The following CDH4 variants were observed in gnomAD, a reference collection of about 807,000 sequenced individuals.
CDH4 encodes the protein cadherin-4.
CDH4 carries 33 observed loss-of-function variants against 86.0 expected under a neutral mutation model. That is an observed-to-expected ratio of 0.38 (90% confidence interval 0.29 to 0.51). The LOEUF is 0.51. Among genes scored for constraint, CDH4 ranks in the 20% least tolerant of loss-of-function variants. The pLI, the probability that CDH4 is intolerant of heterozygous loss-of-function variation, is 0.86. For synonymous variants in CDH4, 555 were observed against 549.4 expected, an observed-to-expected ratio of 1.01 and a Z score of -0.14; for missense variants, 1,114 against 1,307.4, an observed-to-expected ratio of 0.85 and a Z score of 2.28.
intron 2 of CDH4, among the ~76,000 whole-genome samples, chr20:61,425,828 A>C (rs900554507): frequency 2.1e-4 from 32 of 151,084 alleles, no homozygotes; most frequent in African/African-American, 7.4e-4. Context: ...CCAGGGCAGG[A>C]TGGCCAATTG....
At position 61,692,599 on chromosome 20, in the gene CDH4, A is replaced by C. The variant is rs1438058538; in HGVS notation, c.170-50964A>C. The stretch of plus-strand genomic sequence containing the variant: ...TTCCTAATAAGCATTTATTAATTGG[A>C]CCAGGAAATTTTCTCAGATCTGTGT... On this transcript the variant is annotated intron_variant, in intron 2 of 15. Coordinates refer to ENST00000614565, the MANE Select transcript of CDH4 (RefSeq NM_001794.5). Among the ~76,000 whole-genome samples the C allele has an allele frequency of 7.2e-5, 11 of 152,188 alleles. No homozygotes were observed. The East Asian group carries it at 1.9e-3, about 27-fold the overall frequency.
intron 2 of CDH4, among the ~76,000 whole-genome samples, chr20:61,376,821 G>A (rs2084875388): frequency 6.6e-6 from 1 of 152,200 alleles, no homozygotes; most frequent in Admixed American, 6.5e-5. Flanking sequence ...ATGGCCGGTG[G>A]CCAAGATCAT....
chr20:61,317,407 G>A (rs1409777725), intron 2 of CDH4, among the ~76,000 whole-genome samples: 2 of 152,210 alleles, frequency 1.3e-5, no homozygotes, highest in Non-Finnish European at 2.9e-5. Context: ...TGCCTGCACT[G>A]TAAATTCTAT....
At chr20:61,470,462 A>G (rs2085495867) in intron 2 of CDH4, among the ~76,000 whole-genome samples, 1 of 152,192 alleles carries the variant, frequency 6.6e-6, no homozygotes, top group Non-Finnish European at 1.5e-5. Flanking sequence ...TTTTCCAAGT[A>G]TAAGATCATA....
intron 2 of CDH4, among the ~76,000 whole-genome samples, chr20:61,566,411 A>G (rs1337620982): frequency 6.6e-6 from 1 of 152,200 alleles, no homozygotes; most frequent in Non-Finnish European, 1.5e-5. Context: ...AAAATGAATT[A>G]CAAACTGGCA....
At chr20:61,448,018 G>A (rs139131604) in intron 2 of CDH4, among the ~76,000 whole-genome samples, 1 of 152,290 alleles carries the variant, frequency 6.6e-6, no homozygotes, top group Non-Finnish European at 1.5e-5. Context: ...CCAGCATCCT[G>A]TTTGTCTTTC....
intron 4 of CDH4, among the ~76,000 whole-genome samples, chr20:61,778,568 G>C (rs939582144): frequency 4.3e-4 from 65 of 152,184 alleles, no homozygotes; most frequent in African/African-American, 1.5e-3. Context: ...GGAGCCAGGG[G>C]TATCTGTGGC....
At chr20:61,292,280 C>T (rs1350414650) in intron 2 of CDH4, among the ~76,000 whole-genome samples, 2 of 152,338 alleles carry the variant, frequency 1.3e-5, no homozygotes, top group South Asian at 2.1e-4. Flanking sequence ...GGTAGATATA[C>T]ACCATGGAAT....
chr20:61,573,697 G>A lies in CDH4; in HGVS notation c.170-169866G>A, dbSNP rs74400951. 4.6e-3 allele frequency among the ~76,000 whole-genome samples: 707 copies of A among 152,298 alleles called. 16 individuals carry two copies. Among genetic ancestry groups the A allele is most frequent in the East Asian group, 0.046 (237 of 5,166 alleles). On this transcript the variant is annotated intron_variant, in intron 2 of 15. Transcript: ENST00000614565. ...GCCAGAGCTGACCCCCCATCCACAC[G>A]GGGTTCCTGCCATTCCTAGCAAGAG...
intron 2 of CDH4, among the ~76,000 whole-genome samples, chr20:61,320,450 G>C (rs2084501908): frequency 6.6e-6 from 1 of 152,082 alleles, no homozygotes; most frequent in Non-Finnish European, 1.5e-5. Flanking sequence ...CGGTGGGGTT[G>C]GGTTGGCCTC....
chr20:61,672,775 G>C (rs1046929110), intron 2 of CDH4, among the ~76,000 whole-genome samples: 2 of 152,106 alleles, frequency 1.3e-5, no homozygotes, highest in African/African-American at 4.8e-5. Context: ...AGCATCCCTG[G>C]GAACCCGACG....
At chr20:61,482,150 CCA>C (rs2085571743) in intron 2 of CDH4, among the ~76,000 whole-genome samples, 1 of 152,152 alleles carries the variant, frequency 6.6e-6, no homozygotes, top group African/African-American at 2.4e-5. Flanking sequence ...TCTCTGCTTG[CCA>C]CATTTTCTGC....
At chr20:61,934,332 G>T in intron 15 of CDH4, 112 bp downstream of exon 15, 1 of 1,187,876 alleles carries the variant, frequency 8.4e-7, no homozygotes, top group South Asian at 1.7e-5. Context: ...CCGTGGGTGG[G>T]AGGCAGCTCA....
chr20:61,424,399 C>T (rs575259618), intron 2 of CDH4, among the ~76,000 whole-genome samples: 66 of 151,320 alleles, frequency 4.4e-4, no homozygotes, highest in African/African-American at 1.5e-3. Flanking sequence ...TATCCACACA[C>T]AGCACACATG....
intron 2 of CDH4, among the ~76,000 whole-genome samples, chr20:61,408,010 A>C (rs1026294901): frequency 6.6e-6 from 1 of 152,144 alleles, no homozygotes; most frequent in Non-Finnish European, 1.5e-5. Flanking sequence ...CCTGTCTAAA[A>C]TGCAGCAGCA....
intron 11 of CDH4, 79 bp from the exon 12 acceptor site, chr20:61,928,111 T>C (rs946203955): frequency 3.7e-6 from 4 of 1,087,660 alleles, no homozygotes; most frequent in Non-Finnish European, 5.6e-6. Flanking sequence ...GTTGTTTGTG[T>C]GCGTGTCCTG....
intron 2 of CDH4, among the ~76,000 whole-genome samples, chr20:61,255,212 A>C (rs1047053195): frequency 2.0e-5 from 3 of 152,232 alleles, no homozygotes; most frequent in Non-Finnish European, 4.4e-5. Flanking sequence ...GCAGAGAGAG[A>C]CCTTCTTACC....
At chr20:61,628,857 AT>A (rs1166898536) in intron 2 of CDH4, among the ~76,000 whole-genome samples, 1 of 152,226 alleles carries the variant, frequency 6.6e-6, no homozygotes, top group Non-Finnish European at 1.5e-5. Flanking sequence ...TGAGGAATGG[AT>A]GATGGGCCCC....
rs1555844355 is a variant in CDH4, at chr20:61,383,799, ATATATATGAAGATATATATGCG to A, written c.169+128924_169+128945del. On this transcript the variant is annotated intron_variant, in intron 2 of 15. Coordinates refer to ENST00000614565, the MANE Select transcript of CDH4 (RefSeq NM_001794.5). ...TGCATATATATGAAGATATATATGC[ATATATATGAAGATATATATGCG>A]TATATATGAAGATATATATGCGTAT... Among the ~76,000 whole-genome samples, 134 of 42,678 alleles carry A rather than the reference ATATATATGAAGATATATATGCG, an allele frequency of 3.1e-3. 1 individual carries two copies. The highest frequency in any genetic ancestry group is 0.016 in the Middle Eastern group (1 of 64). 28.0% of individuals were successfully genotyped at this position (42,678 alleles called of 152,430 possible). A position where few individuals can be genotyped will look rare whatever the true frequency, so the allele number is the denominator to read the frequency against.
Sources: gnomAD v4.1 joint callset for allele counts (sites outside exome capture counted in the v4.1 genomes callset) on GRCh38, gnomAD v4.1.1 for gene constraint, MANE v1.5 for transcripts, NCBI Gene and HGNC (gene_info 2026-07-23, HGNC 2026-07-21) for gene names.